Variants in LIMCH1 observed in about 807,000 individuals in gnomAD.
LIMCH1 encodes the protein LIM and calponin homology domains 1, also known as LIM and calponin homology domains-containing protein 1.
LIMCH1 carries 113 observed loss-of-function variants against 176.5 expected under a neutral mutation model. The observed-to-expected ratio is 0.64, with a 90% CI of 0.55 to 0.75. The LOEUF (loss-of-function observed/expected upper bound fraction) is 0.75. Among genes scored for constraint, LIMCH1 ranks in the 30% least tolerant of loss-of-function variants. The probability of loss-of-function intolerance (pLI) is 0.00; values close to 1 mark genes in which losing one functional copy is unlikely to be tolerated. For missense variants in LIMCH1, 1,674 were observed against 1,814.9 expected, an observed-to-expected ratio of 0.92 and a Z score of 1.41; for synonymous variants, 619 against 645.9, an observed-to-expected ratio of 0.96 and a Z score of 0.63.
chr4:41,545,539 T>A (rs748813043), intron 1 of LIMCH1, among the ~76,000 whole-genome samples: 18 of 152,218 alleles, frequency 1.2e-4, no homozygotes, highest in Non-Finnish European at 2.5e-4. Flanking sequence ...CCCTATTATC[T>A]GGCTCTAAAC....
intron 1 of LIMCH1, among the ~76,000 whole-genome samples, chr4:41,580,935 A>C (rs1303922913): frequency 6.6e-6 from 1 of 152,176 alleles, no homozygotes; most frequent in African/African-American, 2.4e-5. Context: ...TTTTCAGCAA[A>C]ATATAAATGA....
intron 1 of LIMCH1, among the ~76,000 whole-genome samples, chr4:41,471,193 C>T (rs753207557): frequency 2.6e-5 from 4 of 152,086 alleles, no homozygotes; most frequent in Non-Finnish European, 5.9e-5. Flanking sequence ...TTTGAGCTAT[C>T]GTGTTAGCTT....
chr4:41,691,604 A>AT (rs1165899209), intron 30 of LIMCH1, among the ~76,000 whole-genome samples: 3 of 150,480 alleles, frequency 2.0e-5, no homozygotes, highest in Non-Finnish European at 4.4e-5. Flanking sequence ...AAAAAAAAAA[A>AT]AAAAAAAAAA....
At chr4:41,615,660 C>T (rs1390976591) in intron 5 of LIMCH1, among the ~76,000 whole-genome samples, 8 of 152,216 alleles carry the variant, frequency 5.3e-5, no homozygotes, top group African/African-American at 1.4e-4. Context: ...GTTTCATAAG[C>T]GTTTATAGTA....
At chr4:41,627,304 C>T (rs976001839) in intron 8 of LIMCH1, among the ~76,000 whole-genome samples, 10 of 151,266 alleles carry the variant, frequency 6.6e-5, no homozygotes, top group African/African-American at 1.5e-4. Context: ...AATCAGGGCT[C>T]ATCACCACAT....
At chr4:41,388,274 G>C (rs1438902721) in intron 1 of LIMCH1, among the ~76,000 whole-genome samples, 1 of 152,212 alleles carries the variant, frequency 6.6e-6, no homozygotes, top group Non-Finnish European at 1.5e-5. Context: ...ACTGGTGAAA[G>C]AATAAAGGTG....
intron 1 of LIMCH1, among the ~76,000 whole-genome samples, chr4:41,552,576 T>A (rs1461916346): frequency 1.3e-5 from 2 of 152,158 alleles, no homozygotes; most frequent in Non-Finnish European, 2.9e-5. Flanking sequence ...AGGCTGCTGC[T>A]CACCAATCCA....
intron 3 of LIMCH1, among the ~76,000 whole-genome samples, chr4:41,525,176 A>C (rs1273745907): frequency 1.3e-5 from 2 of 152,238 alleles, no homozygotes. Flanking sequence ...AAAGAAGTAG[A>C]AGATGAGGAA....
At chr4:41,540,225 AT>A (rs1392899118) in intron 1 of LIMCH1, among the ~76,000 whole-genome samples, 4 of 151,910 alleles carry the variant, frequency 2.6e-5, no homozygotes, top group East Asian at 1.9e-4. Flanking sequence ...AAGAGTCTAG[AT>A]TTTTTTTTCT....
chr4:41,656,082 T>C (rs1278170251), intron 18 of LIMCH1, among the ~76,000 whole-genome samples: 1 of 152,234 alleles, frequency 6.6e-6, no homozygotes, highest in Admixed American at 6.5e-5. Context: ...ATTGGGTATC[T>C]AAACTACTTC....
intron 1 of LIMCH1, among the ~76,000 whole-genome samples, chr4:41,563,588 G>A (rs75879226): frequency 0.011 from 1,719 of 152,250 alleles, 27 homozygotes; most frequent in African/African-American, 0.039. Flanking sequence ...TCCTGAATTT[G>A]TAGTTTACTG....
At chr4:41,429,526 A>G (rs1399485107) in intron 1 of LIMCH1, among the ~76,000 whole-genome samples, 1 of 152,234 alleles carries the variant, frequency 6.6e-6, no homozygotes, top group Non-Finnish European at 1.5e-5. Context: ...AACTTGGTTT[A>G]TATTAGCGTT....
chr4:41,690,213 G>A (rs1386430398), intron 30 of LIMCH1, among the ~76,000 whole-genome samples: 9 of 152,066 alleles, frequency 5.9e-5, no homozygotes, highest in Admixed American at 5.9e-4. Flanking sequence ...CTGATTATTG[G>A]ATTATTTAAA....
chr4:41,687,893 C>T lies in LIMCH1; in HGVS notation c.4142C>T (p.Thr1381Ile). Residue 1381 changes from threonine (T) to isoleucine (I), a missense_variant, in exon 29 of 32, where the codon ACC (threonine) becomes ATC (isoleucine). Around this residue, in one of 3 missense-constraint regions of LIMCH1, gnomAD observed 1,015 missense variants for 1,102.5 expected, o/e 0.92. Coordinates refer to ENST00000503057, the MANE Select transcript of LIMCH1 (RefSeq NM_001330672.2). ...GGGCCTTTCTCTCCCTGTTCTCCCACCCCTCCCGGTCAGTCACCAAACAGG... is the reference window on the plus strand; with the variant it reads ...GGGCCTTTCTCTCCCTGTTCTCCCATCCCTCCCGGTCAGTCACCAAACAGG... ...QAGPFSPCSP[T>I]PPGQSPNRSI... is the part of the protein sequence containing the mutation. 1 of 1,613,390 alleles carries T rather than the reference C, an allele frequency of 6.2e-7. No individual in the cohort carries two copies. The highest frequency in any genetic ancestry group is 1.1e-5 in the South Asian group (1 of 91,038).
intron 2 of LIMCH1, among the ~76,000 whole-genome samples, chr4:41,518,285 T>C (rs1561611237): frequency 6.6e-6 from 1 of 152,208 alleles, no homozygotes; most frequent in Non-Finnish European, 1.5e-5. Flanking sequence ...GTAGCACTAT[T>C]CTTAGTGCTG....
intron 2 of LIMCH1, among the ~76,000 whole-genome samples, chr4:41,521,711 T>C (rs1168677478): frequency 1.3e-5 from 2 of 152,322 alleles, no homozygotes; most frequent in South Asian, 2.1e-4. Flanking sequence ...TGTCTTAGTC[T>C]TGAAAGTGAA....
intron 1 of LIMCH1, among the ~76,000 whole-genome samples, chr4:41,392,974 G>T (rs955976272): frequency 4.6e-5 from 7 of 152,142 alleles, no homozygotes; most frequent in Non-Finnish European, 8.8e-5. Context: ...AGGTTGCAGT[G>T]AGCCAAGATC....
At chr4:41,484,367 G>A (rs1380928980) in intron 1 of LIMCH1, among the ~76,000 whole-genome samples, 1 of 152,144 alleles carries the variant, frequency 6.6e-6, no homozygotes, top group African/African-American at 2.4e-5. Flanking sequence ...ATGATCGATT[G>A]GTTGATTTCT....
chr4:41,505,550 G>T (rs899166745), intron 2 of LIMCH1, among the ~76,000 whole-genome samples: 1 of 152,144 alleles, frequency 6.6e-6, no homozygotes, highest in Non-Finnish European at 1.5e-5. Context: ...GACCTCTGTG[G>T]TGATGTCATT....
Sources: gnomAD v4.1 joint callset for allele counts (sites outside exome capture counted in the v4.1 genomes callset) on GRCh38, gnomAD v4.1.1 for gene constraint, gnomAD v4.1.1 regional missense constraint, MANE v1.5 for transcripts, NCBI Gene and HGNC (gene_info 2026-07-23, HGNC 2026-07-21) for gene names.